CCDC144A: variants seen among roughly 807,000 people sequenced by gnomAD.
CCDC144A encodes the protein coiled-coil domain-containing protein 144A.
In CCDC144A, 41 loss-of-function variants were observed where a neutral mutation model predicts 143.8. The ratio of observed to expected loss-of-function variants is 0.29; its 90% CI spans 0.22 to 0.37. The LOEUF (loss-of-function observed/expected upper bound fraction) is 0.37. Ranked by LOEUF, CCDC144A falls within the 10% of genes least tolerant of loss-of-function variation. The probability of loss-of-function intolerance (pLI) is 1.00; values close to 1 mark genes in which losing one functional copy is unlikely to be tolerated. For missense variants in CCDC144A, 637 were observed against 1,488.8 expected (o/e 0.43, Z 9.41); for synonymous variants, 242 against 517.9 (o/e 0.47, Z 7.23).
intron 14 of CCDC144A, among the ~76,000 whole-genome samples, chr17:16,763,008 A>G (rs1426263319): frequency 1.3e-5 from 2 of 150,170 alleles, no homozygotes; most frequent in Non-Finnish European, 1.5e-5. Flanking sequence ...TCTGGCACTC[A>G]GTAAATTCAC....
intron 12 of CCDC144A, chr17:16,746,230 C>G: frequency 1.4e-5 from 18 of 1,293,016 alleles, no homozygotes; most frequent in Middle Eastern, 2.4e-4. Flanking sequence ...ATCCTTACTT[C>G]TTTCTCTGCA....
At chr17:16,672,855 T>C in the CCDC144A span, among the ~76,000 whole-genome samples, 24 of 152,236 alleles carry the variant, frequency 1.6e-4, no homozygotes, top group African/African-American at 5.5e-4. Flanking sequence ...AATATTTGTG[T>C]GATCCTTTAA....
chr17:16,714,479 G>A (rs147620660), intron 6 of CCDC144A, among the ~76,000 whole-genome samples: 3 of 152,186 alleles, frequency 2.0e-5, no homozygotes, highest in Admixed American at 1.3e-4. Flanking sequence ...AGAAACTAAG[G>A]TGTTGTCATT....
the CCDC144A span, among the ~76,000 whole-genome samples, chr17:16,673,468 C>A: frequency 1.3e-5 from 2 of 151,114 alleles, no homozygotes; most frequent in Non-Finnish European, 2.9e-5. Flanking sequence ...CTCACCGCAA[C>A]CTCTGCCCCC....
chr17:16,759,209 T>C (rs1381484835), intron 12 of CCDC144A, among the ~76,000 whole-genome samples: 3 of 152,254 alleles, frequency 2.0e-5, no homozygotes, highest in African/African-American at 7.2e-5. Context: ...TGTCTGATAT[T>C]TGTAATTTAT....
chr17:16,745,627 T>C (rs1312438046), intron 12 of CCDC144A: 1 of 1,567,146 alleles, frequency 6.4e-7, no homozygotes, highest in Non-Finnish European at 8.6e-7. Flanking sequence ...GTGCGTGCAG[T>C]GACTCACTCT....
the CCDC144A span, among the ~76,000 whole-genome samples, chr17:16,669,660 G>T: frequency 2.0e-5 from 3 of 152,102 alleles, no homozygotes; most frequent in African/African-American, 7.2e-5. Context: ...TTATATTATT[G>T]TAATTAATTT....
chr17:16,745,964 GCCGTCAT>G, intron 12 of CCDC144A: 1 of 1,607,588 alleles, frequency 6.2e-7, no homozygotes. Context: ...TGTGCCTCCT[GCCGTCAT>G]CCACATGGTG....
intron 8 of CCDC144A, among the ~76,000 whole-genome samples, chr17:16,721,927 G>A (rs561265570): frequency 1.3e-5 from 2 of 152,280 alleles, no homozygotes; most frequent in Non-Finnish European, 2.9e-5. Context: ...TTCAACTCAG[G>A]TAGCTTTTAT....
intron 6 of CCDC144A, among the ~76,000 whole-genome samples, chr17:16,718,801 C>G (rs1172880588): frequency 7.6e-6 from 1 of 131,296 alleles, no homozygotes; most frequent in Non-Finnish European, 1.6e-5. Context: ...TGTTGACAAT[C>G]TATCAGATTA....
At chr17:16,766,735 A>G (rs1239640171) in intron 15 of CCDC144A, among the ~76,000 whole-genome samples, 40 of 152,286 alleles carry the variant, frequency 2.6e-4, no homozygotes, top group Admixed American at 2.6e-3. Context: ...GCAAGACTCC[A>G]TCTCATGGGT....
At chr17:16,682,354 G>C in the CCDC144A span, among the ~76,000 whole-genome samples, 8,287 of 152,000 alleles carry the variant, frequency 0.055, 497 homozygotes, top group African/African-American at 0.14. Context: ...CCATTAAACA[G>C]ATAGGGGAAG....
intron 8 of CCDC144A, among the ~76,000 whole-genome samples, chr17:16,725,274 T>C (rs998623430): frequency 3.9e-5 from 6 of 152,004 alleles, no homozygotes; most frequent in African/African-American, 1.4e-4. Context: ...TACAGTGAAA[T>C]TTGTCTGTCA....
At chr17:16,667,717 G>A in the CCDC144A span, among the ~76,000 whole-genome samples, 1 of 151,708 alleles carries the variant, frequency 6.6e-6, no homozygotes, top group Non-Finnish European at 1.5e-5. Context: ...GATGAACTGT[G>A]TTTTGCAGCA....
At chr17:16,678,585 C>CTTTCTTTTT in the CCDC144A span, among the ~76,000 whole-genome samples, 9 of 136,864 alleles carry the variant, frequency 6.6e-5, no homozygotes, top group Non-Finnish European at 7.9e-5. Flanking sequence ...TTTTTCTTTT[C>CTTTCTTTTT]TTTTTTTTTT....
Position 16,777,823 on chromosome 17 carries a change from C to T in CCDC144A, c.*4190C>T, listed in dbSNP as rs886221860. The T allele has an allele frequency of 7.8e-5, 11 of 141,906 alleles. No individual in the cohort carries two copies. Among genetic ancestry groups the T allele is most frequent in the African/African-American group, 3.2e-4 (11 of 34,558 alleles). 8.8% of individuals were successfully genotyped at this position (141,906 alleles called of 1,614,324 possible). A position where few individuals can be genotyped will look rare whatever the true frequency, so the allele number is the denominator to read the frequency against. Reference sequence around the variant, plus strand: ...ACAGAATTGGAGAAACTAGAACAGTCCAAATCCAAACCCAGCAGAAGAAAA... The same window carrying T: ...ACAGAATTGGAGAAACTAGAACAGTTCAAATCCAAACCCAGCAGAAGAAAA... On this transcript the variant is annotated 3_prime_UTR_variant, in exon 17 of 17. Transcript: ENST00000399273.
At chr17:16,759,793 A>G (rs1028207113) in intron 12 of CCDC144A, among the ~76,000 whole-genome samples, 1 of 152,228 alleles carries the variant, frequency 6.6e-6, no homozygotes, top group African/African-American at 2.4e-5. Flanking sequence ...ATCTATATGT[A>G]GTGTCAATAT....
At chr17:16,699,421 G>A (rs553920153) in intron 2 of CCDC144A, among the ~76,000 whole-genome samples, 45 of 145,078 alleles carry the variant, frequency 3.1e-4, no homozygotes, top group South Asian at 1.4e-3. Context: ...TTCCACCCAG[G>A]CGGGACTGCA....
chr17:16,757,429 C>G (rs1158555451), intron 12 of CCDC144A, among the ~76,000 whole-genome samples: 1 of 152,214 alleles, frequency 6.6e-6, no homozygotes, highest in Non-Finnish European at 1.5e-5. Flanking sequence ...GTGCAGGTGC[C>G]GGTGGGGCAG....
Sources: allele counts gnomAD v4.1 joint callset (sites outside exome capture counted in the v4.1 genomes callset), GRCh38; gene constraint gnomAD v4.1.1; transcripts MANE v1.5; gene names NCBI Gene and HGNC (gene_info 2026-07-23, HGNC 2026-07-21).